The following PCDHA9 variants were observed in gnomAD, a reference collection of about 807,000 sequenced individuals.
PCDHA9 encodes protocadherin alpha 9.
In PCDHA9, 62 loss-of-function variants were observed where a neutral mutation model predicts 62.0. The ratio of observed to expected loss-of-function variants is 1.00; its 90% CI spans 0.81 to 1.23. The LOEUF (loss-of-function observed/expected upper bound fraction) is 1.23. Among genes scored for constraint, PCDHA9 ranks in the 50% most tolerant of loss-of-function variants. The pLI, the probability that PCDHA9 is intolerant of heterozygous loss-of-function variation, is 0.00. For synonymous variants in PCDHA9, 557 were observed against 567.6 expected (o/e 0.98, Z 0.27); for missense variants, 1,205 against 1,249.8 (o/e 0.96, Z 0.54).
intron 1 of PCDHA9, chr5:140,862,727 C>G (rs1407282014): frequency 3.5e-6 from 2 of 570,998 alleles, no homozygotes; most frequent in African/African-American, 1.9e-5. Context: ...TGCGCGCTGT[C>G]TAGCTATGTG....
chr5:140,960,708 T>C (rs578004240), intron 1 of PCDHA9, among the ~76,000 whole-genome samples: 1 of 152,142 alleles, frequency 6.6e-6, no homozygotes, highest in Non-Finnish European at 1.5e-5. Context: ...TAGTGCCAAA[T>C]ACTCATCTTA....
intron 1 of PCDHA9, among the ~76,000 whole-genome samples, chr5:140,898,087 T>C (rs1480771668): frequency 2.6e-5 from 4 of 152,150 alleles, no homozygotes; most frequent in Non-Finnish European, 5.9e-5. Flanking sequence ...TTCTGGATAT[T>C]AGCCCTTTGT....
intron 1 of PCDHA9, among the ~76,000 whole-genome samples, chr5:140,884,904 A>G (rs2060400953): frequency 6.6e-6 from 1 of 152,226 alleles, no homozygotes; most frequent in Non-Finnish European, 1.5e-5. Flanking sequence ...TTTCTGTTGT[A>G]TTCTTAATAG....
At chr5:140,926,923 T>G in intron 1 of PCDHA9, 1 of 1,571,554 alleles carries the variant, frequency 6.4e-7, no homozygotes. Flanking sequence ...AGTTTTATGT[T>G]TGTGGGTTTC....
intron 1 of PCDHA9, chr5:140,876,879 G>T (rs782299548): frequency 6.2e-7 from 1 of 1,614,150 alleles, no homozygotes; most frequent in Non-Finnish European, 8.5e-7. Context: ...AGAACAACCC[G>T]CCGGGCTGCC....
At chr5:140,996,842 T>C (rs2097749816) in intron 3 of PCDHA9, among the ~76,000 whole-genome samples, 1 of 152,240 alleles carries the variant, frequency 6.6e-6, no homozygotes, top group African/African-American at 2.4e-5. Context: ...TTAGCGTGCA[T>C]CTTCAGAATT....
At position 140,946,316 on chromosome 5, in the gene PCDHA9, G is replaced by C. The variant is rs1293160526; in HGVS notation, c.2395-32633G>C. ...CACACCTGGTAGAATGGCTATTATTGAAAGAGGAAAGATAACAAGTGATGG... is the reference window on the plus strand; with the variant it reads ...CACACCTGGTAGAATGGCTATTATTCAAAGAGGAAAGATAACAAGTGATGG... On this transcript the variant is annotated intron_variant, in intron 1 of 3. Transcript: ENST00000532602. Among the ~76,000 whole-genome samples, 3 of 151,662 alleles carry C rather than the reference G, an allele frequency of 2.0e-5. No individual in the cohort carries two copies. In the East Asian group the frequency reaches 5.8e-4, roughly 29 times the overall value.
At chr5:140,924,028 G>A (rs908427261) in intron 1 of PCDHA9, among the ~76,000 whole-genome samples, 2 of 152,158 alleles carry the variant, frequency 1.3e-5, no homozygotes, top group South Asian at 4.1e-4. Context: ...TGGAGGCATG[G>A]CTGCAGACCT....
intron 3 of PCDHA9, among the ~76,000 whole-genome samples, chr5:140,997,018 A>G (rs1403831704): frequency 6.6e-6 from 1 of 151,882 alleles, no homozygotes; most frequent in African/African-American, 2.4e-5. Flanking sequence ...ATCCTCCAAT[A>G]TTTTTTTGAA....
intron 1 of PCDHA9, among the ~76,000 whole-genome samples, chr5:140,885,076 A>G (rs1032982957): frequency 1.3e-5 from 2 of 152,226 alleles, no homozygotes; most frequent in African/African-American, 4.8e-5. Context: ...ATTATTTTAA[A>G]GAGCCCCATA....
In PCDHA9 at chr5:140,852,924, G is replaced by T. The variant is rs1007993116; in HGVS notation, c.2394+2035G>T. On this transcript the variant is annotated intron_variant, in intron 1 of 3. Transcript: ENST00000532602. The stretch of plus-strand genomic sequence containing the variant: ...GTCAGAGTCTCGCTCTGTTGCCCAG[G>T]CTGGAGTGCAGTGGTGCCATCTTGG... 2.1e-5 allele frequency: 15 copies of T among 707,860 alleles called. 2 individuals are homozygous for T. In the African/African-American group the frequency reaches 2.9e-4, roughly 14 times the overall value. The allele number at this position is 707,860 out of a possible 1,614,324, so 43.8% of individuals were successfully genotyped here.
At chr5:140,885,280 A>G (rs2060543465) in intron 1 of PCDHA9, among the ~76,000 whole-genome samples, 2 of 152,138 alleles carry the variant, frequency 1.3e-5, no homozygotes, top group Admixed American at 6.5e-5. Context: ...ATATATATAC[A>G]TATATAGAGA....
intron 1 of PCDHA9, chr5:140,882,266 A>G (rs1471101520): frequency 6.2e-7 from 1 of 1,610,426 alleles, no homozygotes; most frequent in South Asian, 1.1e-5. Flanking sequence ...TTTGGAGTGT[A>G]CCATGCTGTC....
chr5:140,929,272 T>C (rs560527071), intron 1 of PCDHA9: 1 of 1,607,152 alleles, frequency 6.2e-7, no homozygotes. Flanking sequence ...TTTGCCAATA[T>C]CCTGTATTCA....
chr5:140,899,056 G>A (rs1370417194), intron 1 of PCDHA9, among the ~76,000 whole-genome samples: 1 of 152,062 alleles, frequency 6.6e-6, no homozygotes, highest in Non-Finnish European at 1.5e-5. Context: ...CTGAGACTTT[G>A]CTGAAGTTGC....
chr5:140,858,060 G>A lies in PCDHA9; in HGVS notation c.2394+7171G>A, dbSNP rs17844348. ...ACTGTGCTTGTGTCGCTTGTGGAGG[G>A]CAGCCAGGCACCCAAGGCCTCGTCG... On this transcript the variant is annotated intron_variant, in intron 1 of 3. Transcript: ENST00000532602. The A allele has an allele frequency of 4.3e-4, 686 of 1,597,590 alleles. 15 individuals are homozygous for A. In the East Asian group the frequency reaches 0.015, roughly 34 times the overall value.
chr5:140,973,167 C>A (rs554202231), intron 1 of PCDHA9, among the ~76,000 whole-genome samples: 44 of 152,284 alleles, frequency 2.9e-4, no homozygotes, highest in Admixed American at 2.4e-3. Context: ...TTTGTAGTCA[C>A]CAAACCTTCA....
At chr5:140,885,595 A>G (rs1386755812) in intron 1 of PCDHA9, among the ~76,000 whole-genome samples, 1 of 152,218 alleles carries the variant, frequency 6.6e-6, no homozygotes, top group Non-Finnish European at 1.5e-5. Context: ...CATCAAAGAT[A>G]TTAATAATTT....
In PCDHA9 at chr5:140,884,626, A is replaced by G. The variant is rs782131642; in HGVS notation, c.2394+33737A>G. 9 of 1,613,602 alleles carry G rather than the reference A, an allele frequency of 5.6e-6. No individual in the cohort carries two copies. In the Admixed American group the frequency reaches 1.5e-4, roughly 27 times the overall value. ...CTTGTCTGGGTTCTGCAGAGGGAAC[A>G]GGCCAGAGGGAGGAGGACTCAGAAT... On this transcript the variant is annotated intron_variant, in intron 1 of 3. Transcript: ENST00000532602.
Sources: gnomAD v4.1 joint callset for allele counts (sites outside exome capture counted in the v4.1 genomes callset) on GRCh38, gnomAD v4.1.1 for gene constraint, MANE v1.5 for transcripts, NCBI Gene and HGNC (gene_info 2026-07-23, HGNC 2026-07-21) for gene names.